MED16: variants seen among roughly 807,000 people sequenced by gnomAD.
MED16 encodes the protein mediator of RNA polymerase II transcription subunit 16.
In MED16, 81 loss-of-function variants were observed where a neutral mutation model predicts 84.4. The ratio of observed to expected loss-of-function variants is 0.96; its 90% CI spans 0.80 to 1.15. The LOEUF (loss-of-function observed/expected upper bound fraction) is 1.15, where lower values mean the gene tolerates loss of function less well. Among genes scored for constraint, MED16 ranks in the 50% most tolerant of loss-of-function variants. MED16 has a pLI of 0.00. For missense variants in MED16, 1,585 were observed against 1,245.9 expected (o/e 1.27, Z -4.10); for synonymous variants, 897 against 552.2 (o/e 1.62, Z -8.76).
In MED16 at chr19:884,989, C is replaced by A; in HGVS notation, c.899G>T (p.Ser300Ile). ...MSEQVLLCAS[S>I]QTSSIVECWS... ...GCACTCCACGATGCTGCTGGTCTGGCTGGACGCGCACAAAAGCACCTGCGG... is the reference window on the plus strand; with the variant it reads ...GCACTCCACGATGCTGCTGGTCTGGATGGACGCGCACAAAAGCACCTGCGG... Residue 300 changes from serine (S) to isoleucine (I), a missense_variant, in exon 6 of 16, where the codon AGC becomes ATC. Ser to Ile is a moderately radical substitution (Grantham distance 142, BLOSUM62 -2). Coordinates refer to ENST00000325464, the MANE Select transcript of MED16 (RefSeq NM_005481.3). 3 of 1,604,520 alleles carry A rather than the reference C, an allele frequency of 1.9e-6. No homozygotes were observed. Among genetic ancestry groups the A allele is most frequent in the Non-Finnish European group, 2.5e-6 (3 of 1,177,912 alleles).
intron 1 of MED16, among the ~76,000 whole-genome samples, 189 bp from the exon 2 acceptor site, chr19:891,338 G>A (rs965773794): frequency 1.3e-5 from 2 of 152,218 alleles, no homozygotes; most frequent in Non-Finnish European, 2.9e-5. Context: ...GCCAGTCCTG[G>A]GCCTGTGGGC....
At chr19:892,287 C>G (rs1416872359) in intron 1 of MED16, 1 of 159,294 alleles carries the variant, frequency 6.3e-6, no homozygotes, top group African/African-American at 2.4e-5. Context: ...TCTTTCAGCC[C>G]CACCCCTGAC....
chr19:890,556 G>A (rs574908112), intron 2 of MED16: 14 of 373,260 alleles, frequency 3.8e-5, no homozygotes, highest in Non-Finnish European at 4.8e-5. Flanking sequence ...AATTTTCTGT[G>A]GTTTTCTAGT....
intron 7 of MED16, 107 bp downstream of exon 7, chr19:881,452 C>T (rs960043769): frequency 1.5e-4 from 201 of 1,332,654 alleles, no homozygotes; most frequent in Non-Finnish European, 2.0e-4. Context: ...GTGCTCAGAG[C>T]CCACGTCCTC....
intron 4 of MED16, 116 bp downstream of exon 4, chr19:889,522 A>T (rs2036590897): frequency 7.9e-7 from 1 of 1,266,024 alleles, no homozygotes; most frequent in East Asian, 2.5e-5. Flanking sequence ...GTGGGAGCCA[A>T]GTGCAAGGTC....
Position 868,260 on chromosome 19 carries a change from C to CGG in MED16, c.2484-11_2484-10dup, listed in dbSNP as rs767705462. ...CACGGCCTTCAACAGCCCTGCAGGG[C>CGG]GGGCTGAGGTTAACCGCGCCGAGGA... On this transcript the variant is annotated splice_polypyrimidine_tract_variant and intron_variant, in intron 15 of 15. Transcript: ENST00000325464. 6.3e-7 allele frequency: 1 copy of CGG among 1,592,804 alleles called. No individual in the cohort carries two copies. Among genetic ancestry groups the CGG allele is most frequent in the Non-Finnish European group, 8.5e-7 (1 of 1,171,240 alleles).
chr19:871,595 C>T (rs1022691754), intron 12 of MED16: 6 of 1,595,854 alleles, frequency 3.8e-6, no homozygotes, highest in Non-Finnish European at 5.1e-6. Context: ...GGAGAGACAG[C>T]AAACAGGTGC....
chr19:870,171 G>C (rs919503256), intron 13 of MED16, among the ~76,000 whole-genome samples: 1 of 152,232 alleles, frequency 6.6e-6, no homozygotes, highest in African/African-American at 2.4e-5. Context: ...TCCACAGAGG[G>C]ATCTACGGCG....
chr19:887,433 C>T (rs1251809865), intron 4 of MED16, among the ~76,000 whole-genome samples: 4 of 151,886 alleles, frequency 2.6e-5, no homozygotes, highest in South Asian at 2.1e-4. Flanking sequence ...TTTGGGAGGC[C>T]GAGGCGGGCA....
At position 890,130 on chromosome 19, in the gene MED16, G is replaced by A. The variant is rs548107032; in HGVS notation, c.277+7C>T. The A allele has an allele frequency of 7.8e-6, 12 of 1,539,492 alleles. No individual in the cohort carries two copies. Among genetic ancestry groups the A allele is most frequent in the South Asian group, 4.8e-5 (4 of 83,802 alleles). On this transcript the variant is annotated splice_region_variant and intron_variant, in intron 3 of 15. Coordinates refer to ENST00000325464, the MANE Select transcript of MED16 (RefSeq NM_005481.3). Reference sequence around the variant, plus strand: ...CCACCCCTGGCCACGTGGGACCAGCGCCTCACCTGACTGGTCCCACTCCAG... The same window carrying A: ...CCACCCCTGGCCACGTGGGACCAGCACCTCACCTGACTGGTCCCACTCCAG...
chr19:892,131 A>G (rs1438582786), intron 1 of MED16, among the ~76,000 whole-genome samples: 3 of 152,090 alleles, frequency 2.0e-5, no homozygotes, highest in Non-Finnish European at 4.4e-5. Context: ...CCTGGCATCC[A>G]GACGGGCTGT....
chr19:871,653 G>C, intron 12 of MED16: 1 of 1,592,078 alleles, frequency 6.3e-7, no homozygotes, highest in Non-Finnish European at 8.5e-7. Flanking sequence ...GCATGGACCT[G>C]TGCTAGGAAC....
intron 2 of MED16, 37 bp downstream of exon 2, chr19:890,926 G>A: frequency 2.5e-6 from 4 of 1,601,842 alleles, no homozygotes; most frequent in Non-Finnish European, 2.6e-6. Flanking sequence ...GGGACACCAT[G>A]CGGCCGGGAG....
chr19:868,405 G>T lies in MED16; in HGVS notation c.2483+11C>A, dbSNP rs2035967340. ...TAGCTGAGGGGCACCCGCCACCAGA[G>T]CCCACCGCACAGGCAGTTCTTGATC... On this transcript the variant is annotated intron_variant, in intron 15 of 15. Coordinates refer to ENST00000325464, the MANE Select transcript of MED16 (RefSeq NM_005481.3). 1.2e-5 allele frequency: 19 copies of T among 1,609,044 alleles called. No homozygotes were observed. The highest frequency in any genetic ancestry group is 1.6e-5 in the Non-Finnish European group (19 of 1,179,822).
rs72984044 is a variant in MED16, at chr19:889,407, G to T, written c.447+231C>A. Among the ~76,000 whole-genome samples, 812 of 152,270 alleles carry T rather than the reference G, an allele frequency of 5.3e-3. 2 individuals are homozygous for T. Among genetic ancestry groups the T allele is most frequent in the Admixed American group, 9.9e-3 (151 of 15,300 alleles). The stretch of plus-strand genomic sequence containing the variant: ...TAAATGAGGGGCCACTGAACACGCA[G>T]GTGCCAATGACAGCCAGACTGCAGG... On this transcript the variant is annotated intron_variant, in intron 4 of 15. Coordinates refer to ENST00000325464, the MANE Select transcript of MED16 (RefSeq NM_005481.3).
chr19:870,739 G>T (rs116483371), intron 13 of MED16, among the ~76,000 whole-genome samples: 1 of 148,178 alleles, frequency 6.7e-6, no homozygotes, highest in African/African-American at 2.5e-5. Flanking sequence ...GTATGGATTC[G>T]GGGGGGTCCT....
chr19:880,009 G>C lies in MED16; in HGVS notation c.1281C>G (p.Pro427=), dbSNP rs745809946. 9.9e-6 allele frequency: 16 copies of C among 1,609,998 alleles called. No homozygotes were observed. Among genetic ancestry groups the C allele is most frequent in the Non-Finnish European group, 1.1e-5 (13 of 1,178,666 alleles). The change falls in exon 8 of 16, where the codon CCC becomes CCG. Residue 427 remains proline, a synonymous_variant. Transcript: ENST00000325464. Reference sequence around the variant, plus strand: ...GCTGCATAGCCTTTAAGTGGACGGCGGGGCCCGCGGTGCGGGGGCGCTTCA... The same window carrying C: ...GCTGCATAGCCTTTAAGTGGACGGCCGGGCCCGCGGTGCGGGGGCGCTTCA... ...PAMKRPRTAG[P]AVHLKAMQLS...
chr19:878,922 G>T (rs866614904), intron 8 of MED16, among the ~76,000 whole-genome samples: 3 of 872 alleles, frequency 3.4e-3, no homozygotes, highest in Non-Finnish European at 9.8e-3. Flanking sequence ...CACCAGCCCC[G>T]GCCCCGGCCC....
At chr19:870,828 A>G (rs1213527809) in intron 13 of MED16, among the ~76,000 whole-genome samples, 1 of 86,094 alleles carries the variant, frequency 1.2e-5, no homozygotes, top group Non-Finnish European at 2.3e-5. Flanking sequence ...AGCCGTGTGG[A>G]TTCGGGGGGT....
Sources: allele counts gnomAD v4.1 joint callset (sites outside exome capture counted in the v4.1 genomes callset), GRCh38; gene constraint gnomAD v4.1.1; transcripts MANE v1.5; gene names NCBI Gene and HGNC (gene_info 2026-07-23, HGNC 2026-07-21).